VPS41: variants seen among roughly 807,000 people sequenced by gnomAD.
VPS41 encodes the protein VPS41 subunit of HOPS complex.
Under a neutral mutation model 130.9 loss-of-function variants are expected in VPS41, and 85 were observed. The observed-to-expected ratio is 0.65, with a 90% CI of 0.55 to 0.78. The LOEUF is 0.78. Ranked by LOEUF, VPS41 falls within the 30% of genes least tolerant of loss-of-function variation. The probability of loss-of-function intolerance (pLI) is 0.00; values close to 1 mark genes in which losing one functional copy is unlikely to be tolerated. For synonymous variants in VPS41, 335 were observed against 332.9 expected (o/e 1.01, Z -0.07); for missense variants, 874 against 1,018.7 (o/e 0.86, Z 1.93).
At chr7:38,799,896 T>C (rs1584401901) in intron 7 of VPS41, among the ~76,000 whole-genome samples, 3 of 152,092 alleles carry the variant, frequency 2.0e-5, no homozygotes, top group South Asian at 2.1e-4. Flanking sequence ...ATCAAAATGA[T>C]ATGATCAGGC....
intron 2 of VPS41, among the ~76,000 whole-genome samples, chr7:38,892,052 G>A (rs902932280): frequency 6.6e-6 from 1 of 151,724 alleles, no homozygotes; most frequent in African/African-American, 2.4e-5. Context: ...CTATTCTCTG[G>A]AATAGAAAGC....
At chr7:38,834,258 C>T (rs12532461) in intron 4 of VPS41, among the ~76,000 whole-genome samples, 29,707 of 151,984 alleles carry the variant, frequency 0.2, 3,622 homozygotes, top group East Asian at 0.45. Flanking sequence ...TCTTTTAATC[C>T]GCAAACATGG....
chr7:38,725,763 T>C lies in VPS41; in HGVS notation c.*483A>G, dbSNP rs374115102. On this transcript the variant is annotated 3_prime_UTR_variant, in exon 29 of 29. Coordinates refer to ENST00000310301, the MANE Select transcript of VPS41 (RefSeq NM_014396.4). ...TAAATGCCTATTTAGAGGATAACCATAGTTGATGACACAGAAAAAAGCCAA... is the reference window on the plus strand; with the variant it reads ...TAAATGCCTATTTAGAGGATAACCACAGTTGATGACACAGAAAAAAGCCAA... 53 of 156,448 alleles carry C rather than the reference T, an allele frequency of 3.4e-4. No homozygotes were observed. Among genetic ancestry groups the C allele is most frequent in the African/African-American group, 1.2e-3 (49 of 41,586 alleles). The allele number at this position is 156,448 out of a possible 1,614,324, so 9.7% of individuals were successfully genotyped here.
At chr7:38,765,886 C>G in intron 15 of VPS41, 2 of 401,808 alleles carry the variant, frequency 5.0e-6, no homozygotes, top group Non-Finnish European at 8.7e-6. Flanking sequence ...ATATAAAATG[C>G]TTATAAATAA....
intron 4 of VPS41, among the ~76,000 whole-genome samples, chr7:38,859,409 C>G (rs1303022251): frequency 1.3e-5 from 2 of 152,022 alleles, no homozygotes; most frequent in Non-Finnish European, 2.9e-5. Flanking sequence ...TTCACTGACC[C>G]ACCCAGAACA....
chr7:38,826,755 A>G (rs1785288013), intron 5 of VPS41, among the ~76,000 whole-genome samples: 1 of 152,098 alleles, frequency 6.6e-6, no homozygotes, highest in South Asian at 2.1e-4. Context: ...ACCACTAGAC[A>G]ACACCCATCT....
At chr7:38,821,521 C>G (rs567456967) in intron 5 of VPS41, among the ~76,000 whole-genome samples, 1 of 152,012 alleles carries the variant, frequency 6.6e-6, no homozygotes, top group Non-Finnish European at 1.5e-5. Context: ...CCACCCTGAC[C>G]AATATGGTGA....
intron 7 of VPS41, among the ~76,000 whole-genome samples, chr7:38,814,084 G>C (rs569916026): frequency 1.9e-4 from 29 of 152,282 alleles, no homozygotes; most frequent in Admixed American, 1.6e-3. Flanking sequence ...ACAATTAGAT[G>C]CTAGATTACT....
At chr7:38,749,894 GC>G (rs1398942139) in intron 22 of VPS41, among the ~76,000 whole-genome samples, 4 of 152,072 alleles carry the variant, frequency 2.6e-5, no homozygotes, top group Non-Finnish European at 5.9e-5. Context: ...AGAGAGTTTT[GC>G]TTTCTCGCCT....
chr7:38,906,234 T>C (rs1787258311), intron 1 of VPS41, among the ~76,000 whole-genome samples: 1 of 152,108 alleles, frequency 6.6e-6, no homozygotes, highest in African/African-American at 2.4e-5. Context: ...TTTTAATCTA[T>C]AAAGGATAAG....
chr7:38,786,664 A>G (rs1377005134), intron 10 of VPS41, among the ~76,000 whole-genome samples: 1 of 152,238 alleles, frequency 6.6e-6, no homozygotes, highest in Non-Finnish European at 1.5e-5. Flanking sequence ...AAAAAATTCA[A>G]TGCAGAACAG....
intron 2 of VPS41, among the ~76,000 whole-genome samples, chr7:38,897,746 T>C (rs1787039359): frequency 6.6e-6 from 1 of 151,534 alleles, no homozygotes; most frequent in Admixed American, 6.6e-5. Flanking sequence ...AGAATAAACA[T>C]CATAAAACCT....
intron 10 of VPS41, among the ~76,000 whole-genome samples, chr7:38,785,701 G>C (rs547184927): frequency 3.3e-5 from 5 of 152,140 alleles, no homozygotes; most frequent in African/African-American, 1.2e-4. Context: ...CTACCTTGTT[G>C]CATCAACTAA....
At chr7:38,761,450 A>AT (rs201050545) in intron 17 of VPS41, among the ~76,000 whole-genome samples, 255 of 135,626 alleles carry the variant, frequency 1.9e-3, no homozygotes, top group Middle Eastern at 3.8e-3. Context: ...TAATTTTTGT[A>AT]TTTTTTTTTT....
chr7:38,738,935 T>A (rs1482761247), intron 25 of VPS41, among the ~76,000 whole-genome samples: 1 of 152,242 alleles, frequency 6.6e-6, no homozygotes, highest in Non-Finnish European at 1.5e-5. Flanking sequence ...TAACCTTCGG[T>A]TGAAGAGAGC....
intron 21 of VPS41, 137 bp downstream of exon 21, chr7:38,754,565 T>C (rs1192906778): frequency 8.9e-6 from 6 of 676,794 alleles, no homozygotes; most frequent in Non-Finnish European, 1.5e-5. Context: ...TACAGAACAT[T>C]GTTTGTGGTG....
chr7:38,726,993 C>G lies in VPS41; in HGVS notation c.2405-5G>C. 6.5e-7 allele frequency: 1 copy of G among 1,544,750 alleles called. No individual in the cohort carries two copies. The highest frequency in any genetic ancestry group is 8.7e-7 in the Non-Finnish European group (1 of 1,144,878). On this transcript the variant is annotated splice_polypyrimidine_tract_variant and splice_region_variant and intron_variant, in intron 27 of 28. Transcript: ENST00000310301. Reference sequence around the variant, plus strand: ...CGCTGAAGGGCTTAGCTGCATCTGGCGAGGAGGGCAGAGAAAGGAGGAGAA... The same window carrying G: ...CGCTGAAGGGCTTAGCTGCATCTGGGGAGGAGGGCAGAGAAAGGAGGAGAA...
At chr7:38,820,436 T>C (rs941905522) in intron 6 of VPS41, among the ~76,000 whole-genome samples, 3 of 152,230 alleles carry the variant, frequency 2.0e-5, no homozygotes, top group African/African-American at 4.8e-5. Flanking sequence ...ACAACTATAA[T>C]AGACACCTCA....
At chr7:38,856,803 A>G (rs572622260) in intron 4 of VPS41, among the ~76,000 whole-genome samples, 1 of 152,210 alleles carries the variant, frequency 6.6e-6, no homozygotes, top group Non-Finnish European at 1.5e-5. Flanking sequence ...TGCAGAAAGA[A>G]TGGAGATTCA....
Sources: gnomAD v4.1 joint callset for allele counts (sites outside exome capture counted in the v4.1 genomes callset) on GRCh38, gnomAD v4.1.1 for gene constraint, MANE v1.5 for transcripts, NCBI Gene and HGNC (gene_info 2026-07-23, HGNC 2026-07-21) for gene names.